The following EBF1 variants were observed in gnomAD, a reference collection of about 807,000 sequenced individuals.
EBF1 encodes EBF transcription factor 1.
A neutral mutation model predicts 68.4 loss-of-function variants in EBF1; 10 were observed. That is an observed-to-expected ratio of 0.15 (90% CI 0.09 to 0.25). EBF1 has a LOEUF of 0.25. EBF1 is among the 10% of genes least tolerant of loss of function. The pLI is 1.00. For missense variants in EBF1, 509 were observed against 794.4 expected (o/e 0.64, Z 4.32); for synonymous variants, 298 against 299.8 (o/e 0.99, Z 0.06).
chr5:158,722,868 C>G (rs1252669879), intron 11 of EBF1, among the ~76,000 whole-genome samples: 3 of 152,162 alleles, frequency 2.0e-5, no homozygotes, highest in Non-Finnish European at 4.4e-5. Flanking sequence ...GGGCTTCAGT[C>G]TTTAAGGGGA....
chr5:158,759,965 C>T (rs1037354123), intron 10 of EBF1, among the ~76,000 whole-genome samples: 2 of 152,058 alleles, frequency 1.3e-5, no homozygotes, highest in Non-Finnish European at 2.9e-5. Context: ...TTCATGTTTC[C>T]TCAATACTAC....
At chr5:158,709,497 A>T (rs1758678258) in intron 14 of EBF1, among the ~76,000 whole-genome samples, 1 of 152,220 alleles carries the variant, frequency 6.6e-6, no homozygotes, top group Admixed American at 6.5e-5. Flanking sequence ...CAGGGGGAAA[A>T]GCCTCGTTCC....
intron 6 of EBF1, among the ~76,000 whole-genome samples, chr5:158,925,952 G>C (rs1195729117): frequency 6.6e-6 from 1 of 152,188 alleles, no homozygotes; most frequent in African/African-American, 2.4e-5. Context: ...CAGGAACAAA[G>C]TTTGGTGGGC....
At chr5:158,989,597 G>C (rs761719422) in intron 6 of EBF1, among the ~76,000 whole-genome samples, 24 of 152,118 alleles carry the variant, frequency 1.6e-4, no homozygotes, top group Non-Finnish European at 2.5e-4. Flanking sequence ...TCCTCTGTTT[G>C]TGTGCAGCTC....
At chr5:158,926,737 A>G (rs890055367) in intron 6 of EBF1, among the ~76,000 whole-genome samples, 3 of 151,898 alleles carry the variant, frequency 2.0e-5, no homozygotes, top group African/African-American at 4.8e-5. Context: ...CAAAAAAAAA[A>G]AAAAGAAAAG....
chr5:159,084,709 G>A lies in EBF1; in HGVS notation c.442C>T (p.Pro148Ser). ...GTGAGCAAGACTCGGCACATTTCTG[G>A]GTTCTTGTCTTGGCCTTCATACACT... ...AIVYEGQDKN[P>S]EMCRVLLTHE... The change falls in exon 5 of 16, where the codon CCA (proline) becomes TCA (serine). Residue 148 changes from proline to serine, a missense_variant. By Grantham distance (74) the Pro-to-Ser change is moderately conservative. This residue lies in a region of EBF1 where 230 missense variants were observed against 467.7 expected (regional missense o/e 0.49). Transcript: ENST00000313708. 2.5e-6 allele frequency: 4 copies of A among 1,600,460 alleles called. No individual in the cohort carries two copies. Among genetic ancestry groups the A allele is most frequent in the Non-Finnish European group, 3.4e-6 (4 of 1,171,890 alleles).
At chr5:158,708,694 A>T (rs1199102603) in intron 14 of EBF1, among the ~76,000 whole-genome samples, 1 of 152,198 alleles carries the variant, frequency 6.6e-6, no homozygotes, top group South Asian at 2.1e-4. Context: ...GTATCAGGGG[A>T]TGCATCCCAG....
chr5:158,906,383 A>G (rs1406441479), intron 6 of EBF1, among the ~76,000 whole-genome samples: 1 of 152,212 alleles, frequency 6.6e-6, no homozygotes, highest in African/African-American at 2.4e-5. Context: ...ATACAAAAAA[A>G]GCATCCTTTT....
At chr5:158,974,190 G>C (rs192987329) in intron 6 of EBF1, among the ~76,000 whole-genome samples, 87 of 152,284 alleles carry the variant, frequency 5.7e-4, no homozygotes, top group Middle Eastern at 3.4e-3. Context: ...CTGATTTCTA[G>C]CCCTCCATGA....
intron 6 of EBF1, among the ~76,000 whole-genome samples, chr5:159,021,646 T>A (rs545447003): frequency 6.6e-6 from 1 of 152,328 alleles, no homozygotes; most frequent in African/African-American, 2.4e-5. Flanking sequence ...CTAAGCCAAG[T>A]TTAATCAAAC....
At chr5:159,074,138 A>G (rs1257627489) in intron 5 of EBF1, among the ~76,000 whole-genome samples, 1 of 152,206 alleles carries the variant, frequency 6.6e-6, no homozygotes, top group Non-Finnish European at 1.5e-5. Context: ...TTCTGGGGGC[A>G]TTATGGACAT....
At chr5:159,075,690 G>A (rs574307742) in intron 5 of EBF1, among the ~76,000 whole-genome samples, 1 of 152,272 alleles carries the variant, frequency 6.6e-6, no homozygotes, top group East Asian at 1.9e-4. Flanking sequence ...CCAAATGTCA[G>A]TGGTACTGTG....
At chr5:159,079,926 T>G (rs537082140) in intron 5 of EBF1, among the ~76,000 whole-genome samples, 1 of 152,078 alleles carries the variant, frequency 6.6e-6, no homozygotes, top group African/African-American at 2.4e-5. Flanking sequence ...CCTCCTTTTA[T>G]TTCTATGCTC....
chr5:158,924,291 T>C (rs1809097875), intron 6 of EBF1, among the ~76,000 whole-genome samples: 1 of 152,082 alleles, frequency 6.6e-6, no homozygotes. Context: ...TGCTGCAGAG[T>C]GGAAGGAGGT....
intron 6 of EBF1, among the ~76,000 whole-genome samples, chr5:158,911,143 C>T (rs770458629): frequency 2.0e-5 from 3 of 152,180 alleles, no homozygotes; most frequent in African/African-American, 4.8e-5. Flanking sequence ...CTTCCCTCAA[C>T]GAGTCGCCTA....
intron 8 of EBF1, among the ~76,000 whole-genome samples, chr5:158,813,645 A>T (rs181570091): frequency 6.6e-6 from 1 of 152,324 alleles, no homozygotes; most frequent in Admixed American, 6.5e-5. Flanking sequence ...TTCAAAAAAC[A>T]AATCATCAGA....
chr5:158,815,810 A>G (rs549488883), intron 8 of EBF1, among the ~76,000 whole-genome samples: 1 of 152,294 alleles, frequency 6.6e-6, no homozygotes, highest in South Asian at 2.1e-4. Context: ...CTTCACTCAC[A>G]TCGTTGTGCA....
At chr5:158,858,976 A>T (rs530054459) in intron 6 of EBF1, among the ~76,000 whole-genome samples, 3 of 152,310 alleles carry the variant, frequency 2.0e-5, no homozygotes, top group African/African-American at 7.2e-5. Context: ...TAGAGGACTC[A>T]GGCAGTCTGC....
At chr5:159,084,785 A>AG (rs771165799) in intron 4 of EBF1, 46 bp from the exon 5 acceptor site, 73 of 1,453,948 alleles carry the variant, frequency 5.0e-5, no homozygotes, top group South Asian at 9.3e-5. Flanking sequence ...AAGGAGTAGC[A>AG]GAAAAAAAAA....
Sources: allele counts gnomAD v4.1 joint callset (sites outside exome capture counted in the v4.1 genomes callset), GRCh38; gene constraint gnomAD v4.1.1; regional missense constraint gnomAD v4.1.1; transcripts MANE v1.5; gene names NCBI Gene and HGNC (gene_info 2026-07-23, HGNC 2026-07-21).